Variants in DMD observed in about 807,000 individuals in gnomAD.
DMD encodes dystrophin, also known as mutant dystrophin.
In DMD, 63 loss-of-function variants were observed where a neutral mutation model predicts 330.1. The ratio of observed to expected loss-of-function variants is 0.19; its 90% CI spans 0.16 to 0.24. DMD has a LOEUF of 0.24. DMD is among the 10% of genes least tolerant of loss of function. DMD has a pLI of 1.00. For synonymous variants in DMD, 1,223 were observed against 959.8 expected (o/e 1.27, Z -5.07); for missense variants, 3,344 against 2,684.1 (o/e 1.25, Z -5.43).
Position 31,284,589 on chromosome X carries a change from TC to T in DMD, c.9225-23574del, listed in dbSNP as rs2052976727. 4.0e-5 allele frequency among the ~76,000 whole-genome samples: 4 copies of T among 99,784 alleles called. No homozygotes were observed. The South Asian group carries it at 1.9e-3, about 47-fold the overall frequency. The allele number at this position is 99,784 out of a possible 115,157, so 86.7% of individuals were successfully genotyped here. ...TTCTTCTTCTTCTTCTTCTTCTTCT[TC>T]TTCTTCTTCTTCTTCTTTTTTTTGG... On this transcript the variant is annotated intron_variant, in intron 62 of 78. Coordinates refer to ENST00000357033, the MANE Select transcript of DMD (RefSeq NM_004006.3).
At chrX:32,426,211 GA>G (rs1200644709) in intron 29 of DMD, among the ~76,000 whole-genome samples, 3 of 111,766 alleles carry the variant, frequency 2.7e-5, no homozygotes, top group African/African-American at 6.5e-5. Context: ...TACAGAACGG[GA>G]GAAATATTTT....
chrX:31,121,677 AAAC>A lies in DMD; in HGVS notation c.*239_*241del, dbSNP rs1258927662. 2.9e-5 allele frequency: 13 copies of A among 454,670 alleles called. No individual in the cohort carries two copies. In the Middle Eastern group the frequency reaches 1.4e-3, roughly 49 times the overall value. 37.5% of individuals were successfully genotyped at this position (454,670 alleles called of 1,213,427 possible). A position where few individuals can be genotyped will look rare whatever the true frequency, so the allele number is the denominator to read the frequency against. Reference sequence around the variant, plus strand: ...CGTGTAAAACCTGCCATTGTTAACAAAACAATAACAGACTTAGAAACTACTGAA... The same window carrying A: ...CGTGTAAAACCTGCCATTGTTAACAAAATAACAGACTTAGAAACTACTGAA... On this transcript the variant is annotated 3_prime_UTR_variant, in exon 79 of 79. Coordinates refer to ENST00000357033, the MANE Select transcript of DMD (RefSeq NM_004006.3).
chrX:32,624,718 G>A (rs1349826520), intron 11 of DMD, among the ~76,000 whole-genome samples: 1 of 111,491 alleles, frequency 9.0e-6, no homozygotes, highest in African/African-American at 3.3e-5. Context: ...CTTTGAGTTG[G>A]CCTTTTTGTC....
chrX:32,879,187 C>T (rs1337213960), intron 2 of DMD, among the ~76,000 whole-genome samples: 1 of 110,993 alleles, frequency 9.0e-6, no homozygotes, highest in Non-Finnish European at 1.9e-5. Context: ...TGAAAGTCTA[C>T]TATCTTCCTT....
chrX:32,388,285 G>A (rs1203853872), intron 32 of DMD, among the ~76,000 whole-genome samples: 1 of 104,869 alleles, frequency 9.5e-6, no homozygotes, highest in Non-Finnish European at 1.9e-5. Flanking sequence ...AGAACGAAAA[G>A]TGCTCACTTT....
chrX:32,859,255 G>A (rs1030347276), intron 2 of DMD, among the ~76,000 whole-genome samples: 4 of 110,376 alleles, frequency 3.6e-5, no homozygotes, highest in Admixed American at 2.9e-4. Flanking sequence ...CTCACTTAAG[G>A]TCAGGAGTTC....
At chrX:32,540,888 G>A (rs763133901) in intron 17 of DMD, among the ~76,000 whole-genome samples, 2 of 111,324 alleles carry the variant, frequency 1.8e-5, no homozygotes, top group South Asian at 7.6e-4. Flanking sequence ...TTATTTTGGA[G>A]GTATCTGGAT....
chrX:33,253,526 T>A (rs1206188937), intron 1 of DMD, among the ~76,000 whole-genome samples: 1 of 111,546 alleles, frequency 9.0e-6, no homozygotes, highest in African/African-American at 3.2e-5. Context: ...AACAAAAAAA[T>A]TTCAATGAGT....
intron 16 of DMD, among the ~76,000 whole-genome samples, chrX:32,546,506 G>A (rs2048978170): frequency 9.0e-6 from 1 of 111,149 alleles, no homozygotes; most frequent in African/African-American, 3.3e-5. Context: ...AAAAGCCTCA[G>A]GATCTTCTTA....
At chrX:31,514,471 A>C (rs954763307) in intron 55 of DMD, among the ~76,000 whole-genome samples, 38 of 111,679 alleles carry the variant, frequency 3.4e-4, no homozygotes, top group Admixed American at 3.0e-3. Flanking sequence ...TTCCAGAGAA[A>C]ACTCATGGCA....
chrX:32,929,135 G>A (rs768743949), intron 2 of DMD, among the ~76,000 whole-genome samples: 1 of 111,324 alleles, frequency 9.0e-6, no homozygotes, highest in South Asian at 3.9e-4. Context: ...GCTGGTTTAT[G>A]TGGGAGTAGA....
At chrX:33,338,208 C>A (rs2054282847) in intron 1 of DMD, among the ~76,000 whole-genome samples, 1 of 111,251 alleles carries the variant, frequency 9.0e-6, no homozygotes, top group African/African-American at 3.3e-5. Context: ...ACTGACAGAT[C>A]CCCATGACAG....
chrX:32,469,383 A>C (rs58892021), intron 22 of DMD, among the ~76,000 whole-genome samples: 4,975 of 110,174 alleles, frequency 0.045, 300 homozygotes, highest in African/African-American at 0.16. Context: ...GGAAAAAAAA[A>C]CCAGAACTAC....
chrX:31,238,535 G>C (rs1000253510), intron 63 of DMD, among the ~76,000 whole-genome samples: 1 of 111,769 alleles, frequency 8.9e-6, no homozygotes, highest in Non-Finnish European at 1.9e-5. Context: ...GGCAAATGTC[G>C]TGTGTACCTG....
At chrX:33,157,871 C>T (rs193051041) in intron 1 of DMD, among the ~76,000 whole-genome samples, 62 of 111,844 alleles carry the variant, frequency 5.5e-4, no homozygotes, top group East Asian at 2.8e-3. Flanking sequence ...GCGGGAGAAT[C>T]GCTTAAACCC....
rs113307113 is a variant in DMD at position 32,204,270 on chromosome X, G to A, written c.6438+12646C>T. 9.2e-3 allele frequency among the ~76,000 whole-genome samples: 1,030 copies of A among 111,807 alleles called. 7 individuals are homozygous for A. Among genetic ancestry groups the A allele is most frequent in the African/African-American group, 0.027 (834 of 30,793 alleles). ...TTGGGATAAAGCGTTTAAACTTTCCGAAATTTTTGTCTAAGAGTTATAAGA... is the reference window on the plus strand; with the variant it reads ...TTGGGATAAAGCGTTTAAACTTTCCAAAATTTTTGTCTAAGAGTTATAAGA... On this transcript the variant is annotated intron_variant, in intron 44 of 78. Transcript: ENST00000357033.
intron 54 of DMD, among the ~76,000 whole-genome samples, chrX:31,637,431 G>C (rs2079480621): frequency 9.0e-6 from 1 of 111,082 alleles, no homozygotes; most frequent in Admixed American, 9.6e-5. Flanking sequence ...TTTTCAATTA[G>C]AAGTACAACA....
At chrX:32,843,573 T>C (rs768585388) in intron 4 of DMD, among the ~76,000 whole-genome samples, 2 of 112,449 alleles carry the variant, frequency 1.8e-5, no homozygotes, top group Admixed American at 1.9e-4. Context: ...CCCTGCCAGA[T>C]AAGCTGAGCA....
chrX:32,596,586 C>T (rs1204909893), intron 12 of DMD, among the ~76,000 whole-genome samples: 2 of 110,024 alleles, frequency 1.8e-5, no homozygotes, highest in Non-Finnish European at 3.8e-5. Flanking sequence ...ACTGTGTCAC[C>T]CAGGGTGGAA....
Sources: allele counts gnomAD v4.1 joint callset (sites outside exome capture counted in the v4.1 genomes callset), GRCh38; gene constraint gnomAD v4.1.1; transcripts MANE v1.5; gene names NCBI Gene and HGNC (gene_info 2026-07-23, HGNC 2026-07-21).